GRM8: variants seen among roughly 807,000 people sequenced by gnomAD.
The protein encoded by GRM8 is metabotropic glutamate receptor 8.
In GRM8, 47 loss-of-function variants were observed where a neutral mutation model predicts 87.2. The observed-to-expected ratio is 0.54, with a 90% CI of 0.43 to 0.69. The LOEUF is 0.69. Among genes scored for constraint, GRM8 ranks in the 30% least tolerant of loss-of-function variants. GRM8 has a pLI of 0.00. For synonymous variants in GRM8, 396 were observed against 404.5 expected (o/e 0.98, Z 0.25); for missense variants, 1,019 against 1,139.2 (o/e 0.89, Z 1.52).
At chr7:126,468,990 C>T (rs568549145) in intron 9 of GRM8, among the ~76,000 whole-genome samples, 3 of 152,224 alleles carry the variant, frequency 2.0e-5, no homozygotes, top group South Asian at 2.1e-4. Context: ...GAGAACTTCA[C>T]AAACTTCTAT....
intron 9 of GRM8, among the ~76,000 whole-genome samples, chr7:126,470,215 G>A (rs924963946): frequency 2.0e-5 from 3 of 151,788 alleles, no homozygotes; most frequent in African/African-American, 7.3e-5. Flanking sequence ...TATACTTTAA[G>A]TTTTAGGGTA....
intron 9 of GRM8, among the ~76,000 whole-genome samples, chr7:126,486,113 C>T (rs1807328314): frequency 6.6e-6 from 1 of 151,872 alleles, no homozygotes; most frequent in South Asian, 2.1e-4. Flanking sequence ...CCAGTTGAAC[C>T]CCCCGTCCAA....
intron 9 of GRM8, among the ~76,000 whole-genome samples, chr7:126,507,916 C>T (rs1252864675): frequency 1.3e-5 from 2 of 151,974 alleles, no homozygotes; most frequent in Non-Finnish European, 2.9e-5. Context: ...GTCCAATCAT[C>T]TCTGGGGTCT....
intron 6 of GRM8, among the ~76,000 whole-genome samples, chr7:126,846,279 C>T (rs1047871732): frequency 2.0e-5 from 3 of 152,184 alleles, no homozygotes; most frequent in Non-Finnish European, 2.9e-5. Context: ...AATGTGACTA[C>T]ATAAGATGCA....
At chr7:126,648,684 T>C (rs753540742) in intron 7 of GRM8, among the ~76,000 whole-genome samples, 2 of 152,240 alleles carry the variant, frequency 1.3e-5, no homozygotes, top group Non-Finnish European at 2.9e-5. Flanking sequence ...CATTTGCTGA[T>C]AGATACCAAC....
chr7:127,063,493 T>C (rs1161008141), intron 3 of GRM8, among the ~76,000 whole-genome samples: 1 of 152,014 alleles, frequency 6.6e-6, no homozygotes, highest in East Asian at 1.9e-4. Context: ...ATAGGATCAC[T>C]TCAACCAGGG....
intron 6 of GRM8, among the ~76,000 whole-genome samples, chr7:126,893,874 C>T (rs1398379833): frequency 6.6e-6 from 1 of 151,954 alleles, no homozygotes; most frequent in Non-Finnish European, 1.5e-5. Flanking sequence ...TTTATGTCTC[C>T]TTTGCCCTAC....
At chr7:126,997,447 T>C (rs1327831226) in intron 3 of GRM8, among the ~76,000 whole-genome samples, 2 of 139,920 alleles carry the variant, frequency 1.4e-5, no homozygotes, top group Admixed American at 1.4e-4. Context: ...AGAGCAGAAA[T>C]AAATGAAATT....
intron 2 of GRM8, among the ~76,000 whole-genome samples, chr7:127,233,626 C>A (rs1797821092): frequency 6.6e-6 from 1 of 152,184 alleles, no homozygotes; most frequent in South Asian, 2.1e-4. Flanking sequence ...GCCTCAGTGG[C>A]ACTGCAGGAG....
At chr7:126,717,053 G>T (rs192006631) in intron 7 of GRM8, among the ~76,000 whole-genome samples, 2 of 152,200 alleles carry the variant, frequency 1.3e-5, no homozygotes, top group Admixed American at 1.3e-4. Flanking sequence ...AAGATCATTT[G>T]CCTGAGAGAT....
chr7:126,553,771 T>C (rs985223745), intron 8 of GRM8, among the ~76,000 whole-genome samples: 3 of 152,270 alleles, frequency 2.0e-5, no homozygotes, highest in Middle Eastern at 3.4e-3. Context: ...CTCAAGAGAT[T>C]TGTTAGGTGA....
chr7:126,917,373 CCA>C (rs71312846), intron 3 of GRM8, among the ~76,000 whole-genome samples: 268 of 147,198 alleles, frequency 1.8e-3, no homozygotes, highest in East Asian at 2.6e-3. Flanking sequence ...CCTCCTCCAA[CCA>C]CACACACACA....
chr7:126,478,244 A>T lies in GRM8; in HGVS notation c.2431-31872T>A, dbSNP rs971383291. On this transcript the variant is annotated intron_variant, in intron 9 of 10. Coordinates refer to ENST00000339582, the MANE Select transcript of GRM8 (RefSeq NM_000845.3). The stretch of plus-strand genomic sequence containing the variant: ...TGCTTTATCCTTTCTTGCCTAAATT[A>T]ATTTTCTTTTCTTTGTTCTGAATGC... 2.6e-5 allele frequency among the ~76,000 whole-genome samples: 4 copies of T among 152,244 alleles called. No homozygotes were observed. In the South Asian group the frequency reaches 8.3e-4, roughly 32 times the overall value.
intron 7 of GRM8, among the ~76,000 whole-genome samples, chr7:126,739,244 T>C (rs1814633196): frequency 6.6e-6 from 1 of 151,600 alleles, no homozygotes; most frequent in Non-Finnish European, 1.5e-5. Context: ...AGAAATAAGG[T>C]CTTTTTAAAT....
At chr7:126,670,697 A>G (rs1308952059) in intron 7 of GRM8, among the ~76,000 whole-genome samples, 1 of 152,262 alleles carries the variant, frequency 6.6e-6, no homozygotes, top group Non-Finnish European at 1.5e-5. Flanking sequence ...AAGAGCTGAA[A>G]TGTTCATGAA....
rs555773514 is a variant in GRM8, at chr7:126,474,547, A to G, written c.2431-28175T>C. ...CCAAAGAGCTGGGATTATGGGCAAG[A>G]GCCACCATGCCCAACCTACATGCAT... On this transcript the variant is annotated intron_variant, in intron 9 of 10. Coordinates refer to ENST00000339582, the MANE Select transcript of GRM8 (RefSeq NM_000845.3). Among the ~76,000 whole-genome samples the G allele has an allele frequency of 6.6e-5, 10 of 152,296 alleles. No homozygotes were observed. In the South Asian group the frequency reaches 1.2e-3, roughly 19 times the overall value.
At chr7:126,813,103 A>G (rs555638296) in intron 6 of GRM8, among the ~76,000 whole-genome samples, 36 of 152,166 alleles carry the variant, frequency 2.4e-4, no homozygotes, top group African/African-American at 8.4e-4. Context: ...CTGTACAACA[A>G]ACCCCTATGA....
chr7:126,556,031 T>C (rs7455156), intron 8 of GRM8, among the ~76,000 whole-genome samples: 48,515 of 152,026 alleles, frequency 0.32, 8,401 homozygotes, highest in East Asian at 0.44. Flanking sequence ...AAAAGCAGCT[T>C]GAGCACTTTC....
intron 8 of GRM8, among the ~76,000 whole-genome samples, chr7:126,604,815 T>C (rs1160744953): frequency 6.6e-6 from 1 of 152,186 alleles, no homozygotes; most frequent in Non-Finnish European, 1.5e-5. Flanking sequence ...GTTTTTCTTC[T>C]ATGGAGTCAT....
Sources: allele counts gnomAD v4.1 joint callset (sites outside exome capture counted in the v4.1 genomes callset), GRCh38; gene constraint gnomAD v4.1.1; transcripts MANE v1.5; gene names NCBI Gene and HGNC (gene_info 2026-07-23, HGNC 2026-07-21).